SBNO2: variants seen among roughly 807,000 people sequenced by gnomAD.
The protein encoded by SBNO2 is strawberry notch homolog 2.
Under a neutral mutation model 146.3 loss-of-function variants are expected in SBNO2, and 89 were observed. The observed-to-expected ratio is 0.61, with a 90% CI of 0.51 to 0.73. SBNO2 has a LOEUF of 0.73. Ranked by LOEUF, SBNO2 falls within the 30% of genes least tolerant of loss-of-function variation. The pLI, the probability that SBNO2 is intolerant of heterozygous loss-of-function variation, is 0.00. For missense variants in SBNO2, 2,092 were observed against 2,003.7 expected (o/e 1.04, Z -0.84); for synonymous variants, 1,147 against 892.6 (o/e 1.29, Z -5.08).
intron 1 of SBNO2, among the ~76,000 whole-genome samples, chr19:1,166,180 AT>A (rs1697769569): frequency 8.0e-6 from 1 of 125,420 alleles, no homozygotes; most frequent in African/African-American, 3.0e-5. Flanking sequence ...CAGACCCCAG[AT>A]CCCAGACTTC....
chr19:1,128,505 G>A (rs2079993188), intron 4 of SBNO2, among the ~76,000 whole-genome samples: 1 of 151,750 alleles, frequency 6.6e-6, no homozygotes, highest in Non-Finnish European at 1.5e-5. Context: ...CGATTCTCCT[G>A]CCTCAGCCTC....
At chr19:1,159,294 C>A (rs929369003) in intron 1 of SBNO2, among the ~76,000 whole-genome samples, 2 of 151,802 alleles carry the variant, frequency 1.3e-5, no homozygotes, top group Non-Finnish European at 2.9e-5. Flanking sequence ...CCGCCAGGAC[C>A]GTCTGGTGGG....
chr19:1,162,054 C>CT (rs570426012), intron 1 of SBNO2, among the ~76,000 whole-genome samples: 18 of 151,220 alleles, frequency 1.2e-4, no homozygotes, highest in African/African-American at 4.4e-4. Context: ...AGGCGCCCTC[C>CT]TGGCCCCGAG....
At chr19:1,167,178 C>T (rs1032511788) in intron 1 of SBNO2, among the ~76,000 whole-genome samples, 38 of 152,244 alleles carry the variant, frequency 2.5e-4, no homozygotes, top group African/African-American at 8.9e-4. Flanking sequence ...TGACAATGGC[C>T]GCACAGTTAG....
Position 1,117,367 on chromosome 19 carries a change from G to A in SBNO2, c.1660C>T (p.Arg554Cys). 1 of 1,583,650 alleles carries A rather than the reference G, an allele frequency of 6.3e-7. No homozygotes were observed. The highest frequency in any genetic ancestry group is 8.6e-7 in the Non-Finnish European group (1 of 1,166,332). ...FKYLCIAAKVRRLVELAREEL... is the reference protein window; with the variant it reads ...FKYLCIAAKVCRLVELAREEL... ...TCTCGGGCCAGCTCCACCAGCCGGCGCACCTTGGCTGCGATGCACAGATAC... is the reference window on the plus strand; with the variant it reads ...TCTCGGGCCAGCTCCACCAGCCGGCACACCTTGGCTGCGATGCACAGATAC... The change falls in exon 15 of 32, where the codon CGC (arginine) becomes TGC (cysteine). Residue 554 changes from arginine to cysteine, a missense_variant. Physicochemically the swap from Arg to Cys is radical, Grantham distance 180. Coordinates refer to ENST00000361757, the MANE Select transcript of SBNO2 (RefSeq NM_014963.3).
intron 2 of SBNO2, among the ~76,000 whole-genome samples, chr19:1,151,428 T>A (rs76172981): frequency 6.6e-6 from 1 of 152,080 alleles, no homozygotes; most frequent in Non-Finnish European, 1.5e-5. Context: ...TCTATCCCCC[T>A]AGTCTCCTCC....
rs954782681 is a variant in SBNO2, at chr19:1,154,422, C to T, written c.-126-20G>A. ...CATGATCTGCAGAGGGAGACGGGGACGTCCTGAGAGTCCAACGGTGGTGGA... is the reference window on the plus strand; with the variant it reads ...CATGATCTGCAGAGGGAGACGGGGATGTCCTGAGAGTCCAACGGTGGTGGA... On this transcript the variant is annotated intron_variant, in intron 1 of 31. Coordinates refer to ENST00000361757, the MANE Select transcript of SBNO2 (RefSeq NM_014963.3). 4 of 407,712 alleles carry T rather than the reference C, an allele frequency of 9.8e-6. No individual in the cohort carries two copies. The highest frequency in any genetic ancestry group is 3.7e-5 in the East Asian group (1 of 27,286). 25.3% of individuals were successfully genotyped at this position (407,712 alleles called of 1,614,324 possible).
chr19:1,165,602 T>TCAGATCC (rs535345779), intron 1 of SBNO2, among the ~76,000 whole-genome samples: 26 of 138,228 alleles, frequency 1.9e-4, no homozygotes, highest in African/African-American at 6.6e-4. Context: ...AACCCAGACC[T>TCAGATCC]CAGATCCCAG....
intron 1 of SBNO2, among the ~76,000 whole-genome samples, chr19:1,165,748 T>C (rs1393428070): frequency 2.0e-5 from 1 of 51,234 alleles, no homozygotes; most frequent in Non-Finnish European, 3.9e-5. Context: ...AGACCCCAGA[T>C]CTCAGACCCC....
chr19:1,165,333 A>G (rs908724608), intron 1 of SBNO2, among the ~76,000 whole-genome samples: 8 of 152,264 alleles, frequency 5.3e-5, no homozygotes, highest in Admixed American at 6.5e-5. Context: ...TCCCAAGCCA[A>G]CCCCGAAAGT....
At chr19:1,138,839 C>T (rs1488126507) in intron 4 of SBNO2, among the ~76,000 whole-genome samples, 1 of 151,278 alleles carries the variant, frequency 6.6e-6, no homozygotes, top group East Asian at 1.9e-4. Context: ...TCCTCCACGC[C>T]TCCATCACGG....
rs577424060 is a variant in SBNO2, at chr19:1,109,103, C to A, written c.3425+32G>T. The A allele has an allele frequency of 1.3e-6, 2 of 1,545,142 alleles. No homozygotes were observed. Among genetic ancestry groups the A allele is most frequent in the Non-Finnish European group, 1.7e-6 (2 of 1,144,638 alleles). On this transcript the variant is annotated intron_variant, in intron 30 of 31. Coordinates refer to ENST00000361757, the MANE Select transcript of SBNO2 (RefSeq NM_014963.3). The surrounding 1 kb of genome is among the most constrained non-coding windows in gnomAD (Gnocchi z 4.2). ...CCCCGCCTGGGTCGCCGCCATCTGCCGGTTTCCCCCTGGTCCCCGGCCCGC... is the reference window on the plus strand; with the variant it reads ...CCCCGCCTGGGTCGCCGCCATCTGCAGGTTTCCCCCTGGTCCCCGGCCCGC...
In SBNO2 at chr19:1,110,861, C is replaced by T. The variant is rs2079749298; in HGVS notation, c.2912G>A (p.Arg971His). ...KDCSITKFLN[R>H]ILGLEVHKQN... Reference sequence around the variant, plus strand: ...CTTGTGCACCTCCAGCCCCAGGATGCGGTTCAGGAACTTGGTGATGGAACA... The same window carrying T: ...CTTGTGCACCTCCAGCCCCAGGATGTGGTTCAGGAACTTGGTGATGGAACA... Residue 971 changes from arginine (R) to histidine (H), a missense_variant, in exon 26 of 32, where the codon CGC (arginine) becomes CAC (histidine). Transcript: ENST00000361757. The surrounding 1 kb of genome is among the most constrained non-coding windows in gnomAD (Gnocchi z 4.9). 6.2e-7 allele frequency: 1 copy of T among 1,613,726 alleles called. No homozygotes were observed. Among genetic ancestry groups the T allele is most frequent in the Non-Finnish European group, 8.5e-7 (1 of 1,179,758 alleles).
chr19:1,168,346 G>A (rs1343871878), intron 1 of SBNO2, among the ~76,000 whole-genome samples: 4 of 152,112 alleles, frequency 2.6e-5, no homozygotes, highest in African/African-American at 7.2e-5. Context: ...AGCCACACCC[G>A]GGCAACACCG....
chr19:1,158,628 C>T lies in SBNO2; in HGVS notation c.-126-4226G>A, dbSNP rs540607820. On this transcript the variant is annotated intron_variant, in intron 1 of 31. Transcript: ENST00000361757. This position sits in a 1 kb window ranked among gnomAD's most constrained non-coding sequence, Gnocchi z 9.9. ...ACATGGAGGTCTGAGGAGGAGGCGG[C>T]GAGGCCCGGGCGAGCGGGCGCGACC... Among the ~76,000 whole-genome samples the T allele has an allele frequency of 1.3e-3, 192 of 152,260 alleles. No individual in the cohort carries two copies. The highest frequency in any genetic ancestry group is 4.2e-3 in the African/African-American group (176 of 41,560).
intron 3 of SBNO2, 21 bp from the exon 4 acceptor site, chr19:1,147,441 G>GA: frequency 1.7e-6 from 2 of 1,203,566 alleles, no homozygotes; most frequent in Non-Finnish European, 2.3e-6. Flanking sequence ...ATGGGGGGGG[G>GA]GGAGGTGAGA....
rs1309423242 is a variant in SBNO2, at chr19:1,117,307, G to T, written c.1704+16C>A. ...GGCCCGGCCGCCCTCAGCCCTCGAA[G>T]GCCGCAGCCGCTCACCTTGTCTCGC... is the stretch of plus-strand genomic sequence containing the variant. On this transcript the variant is annotated intron_variant, in intron 15 of 31. Coordinates refer to ENST00000361757, the MANE Select transcript of SBNO2 (RefSeq NM_014963.3). The T allele has an allele frequency of 1.9e-6, 3 of 1,551,660 alleles. No individual in the cohort carries two copies. The highest frequency in any genetic ancestry group is 2.6e-6 in the Non-Finnish European group (3 of 1,148,396).
At chr19:1,128,397 A>ATT (rs776481147) in intron 4 of SBNO2, 183 of 252,326 alleles carry the variant, frequency 7.3e-4, no homozygotes, top group South Asian at 1.6e-3. Context: ...ACATCATTTC[A>ATT]TTTTTTTTTT....
At position 1,113,786 on chromosome 19, in the gene SBNO2, G is replaced by A. The variant is rs930699001; in HGVS notation, c.2078-82C>T. The A allele has an allele frequency of 1.6e-5, 22 of 1,385,772 alleles. No individual in the cohort carries two copies. In the East Asian group the frequency reaches 4.5e-4, roughly 28 times the overall value. The allele number at this position is 1,385,772 out of a possible 1,614,324, so 85.8% of individuals were successfully genotyped here. On this transcript the variant is annotated intron_variant, in intron 18 of 31. Coordinates refer to ENST00000361757, the MANE Select transcript of SBNO2 (RefSeq NM_014963.3). ...CTAACTCAAGGCTGGCCCCTGGAGG[G>A]CAAGGACAAGGGGCCCGGGGCAACC...
Sources: gnomAD v4.1 joint callset for allele counts (sites outside exome capture counted in the v4.1 genomes callset) on GRCh38, gnomAD v4.1.1 for gene constraint, Gnocchi (gnomAD v3.1) non-coding constraint, MANE v1.5 for transcripts, NCBI Gene and HGNC (gene_info 2026-07-23, HGNC 2026-07-21) for gene names.